The following KCNN2 variants were observed in gnomAD, a reference collection of about 807,000 sequenced individuals.
The protein encoded by KCNN2 is potassium calcium-activated channel subfamily N member 2, also known as small conductance calcium-activated potassium channel protein 2.
Under a neutral mutation model 55.5 loss-of-function variants are expected in KCNN2, and 24 were observed. That is an observed-to-expected ratio of 0.43 (90% CI 0.31 to 0.61). KCNN2 has a LOEUF of 0.61. Ranked by LOEUF, KCNN2 falls within the 20% of genes least tolerant of loss-of-function variation. The pLI, the probability that KCNN2 is intolerant of heterozygous loss-of-function variation, is 0.08. For missense variants in KCNN2, 754 were observed against 853.6 expected, an observed-to-expected ratio of 0.88 and a Z score of 1.45; for synonymous variants, 431 against 336.1, an observed-to-expected ratio of 1.28 and a Z score of -3.09.
intron 1 of KCNN2, among the ~76,000 whole-genome samples, chr5:114,166,744 A>C (rs936415507): frequency 6.6e-6 from 1 of 152,052 alleles, no homozygotes; most frequent in East Asian, 1.9e-4. Context: ...CTCCAAATTC[A>C]TATGTTGAAA....
intron 2 of KCNN2, among the ~76,000 whole-genome samples, chr5:114,381,287 T>G (rs528667583): frequency 2.6e-5 from 4 of 152,244 alleles, no homozygotes; most frequent in African/African-American, 7.2e-5. Context: ...ATGAAATGGC[T>G]GGCAGTACAG....
At chr5:114,176,106 C>G (rs1043949307) in intron 1 of KCNN2, among the ~76,000 whole-genome samples, 2 of 152,146 alleles carry the variant, frequency 1.3e-5, no homozygotes, top group Admixed American at 6.6e-5. Flanking sequence ...GCACTGATGA[C>G]ATTTTCAGCT....
At chr5:114,154,580 A>C (rs1752592974) in intron 1 of KCNN2, among the ~76,000 whole-genome samples, 1 of 152,146 alleles carries the variant, frequency 6.6e-6, no homozygotes, top group African/African-American at 2.4e-5. Flanking sequence ...TTTCAGTGAG[A>C]AATAATACTG....
At chr5:114,298,161 GA>G (rs1048933968) in intron 2 of KCNN2, among the ~76,000 whole-genome samples, 26 of 152,284 alleles carry the variant, frequency 1.7e-4, no homozygotes, top group African/African-American at 5.8e-4. Flanking sequence ...ACAGGCTCAG[GA>G]AAAGAAACCA....
chr5:114,446,088 C>T (rs1378991108), intron 3 of KCNN2, among the ~76,000 whole-genome samples: 1 of 152,142 alleles, frequency 6.6e-6, no homozygotes, highest in Non-Finnish European at 1.5e-5. Context: ...GTACAGTCTT[C>T]CTATGAACTA....
chr5:114,270,009 C>G (rs1358989811), intron 2 of KCNN2, among the ~76,000 whole-genome samples: 1 of 152,196 alleles, frequency 6.6e-6, no homozygotes, highest in African/African-American at 2.4e-5. Context: ...TAAGAACATG[C>G]TGATCTCCTA....
Position 114,065,840 on chromosome 5 carries a change from A to G in KCNN2, c.-271+9340A>G, listed in dbSNP as rs561674389. ...GCTAAGAGCTTTTAGCTATTCTCCT[A>G]TGCAGGTTTTTTTTTTTTTTTTTTT... is the stretch of plus-strand genomic sequence containing the variant. On this transcript the variant is annotated intron_variant, in intron 1 of 10. Coordinates refer to the KCNN2 transcript ENST00000512097. 3.4e-3 allele frequency among the ~76,000 whole-genome samples: 351 copies of G among 104,042 alleles called. 2 individuals are homozygous for G. Among genetic ancestry groups the G allele is most frequent in the African/African-American group, 0.013 (341 of 26,410 alleles). The allele number at this position is 104,042 out of a possible 152,430, so 68.3% of individuals were successfully genotyped here.
At chr5:114,289,328 A>T (rs1007688739) in intron 2 of KCNN2, among the ~76,000 whole-genome samples, 2 of 151,258 alleles carry the variant, frequency 1.3e-5, no homozygotes, top group Non-Finnish European at 2.9e-5. Context: ...ACCAGTTTCA[A>T]GATTGTTTAG....
intron 2 of KCNN2, among the ~76,000 whole-genome samples, chr5:114,383,346 A>T (rs974885926): frequency 6.6e-6 from 1 of 152,156 alleles, no homozygotes; most frequent in African/African-American, 2.4e-5. Flanking sequence ...AACAAGAGGA[A>T]AGTGATATTC....
intron 1 of KCNN2, 126 bp downstream of exon 1, chr5:114,363,387 A>G (rs1757504946): frequency 8.2e-7 from 1 of 1,217,618 alleles, no homozygotes; most frequent in Admixed American, 2.9e-5. Flanking sequence ...GCCCGCCAGG[A>G]CAGCGGGCGC....
At chr5:114,237,369 T>C (rs1470832402) in intron 2 of KCNN2, among the ~76,000 whole-genome samples, 1 of 151,664 alleles carries the variant, frequency 6.6e-6, no homozygotes, top group Non-Finnish European at 1.5e-5. Context: ...AGAACCTACC[T>C]AGGCAAGACA....
intron 1 of KCNN2, among the ~76,000 whole-genome samples, chr5:114,119,927 C>T (rs1205205382): frequency 1.3e-5 from 2 of 151,996 alleles, no homozygotes; most frequent in African/African-American, 4.8e-5. Flanking sequence ...TGGAGATCAT[C>T]AGCATCATGC....
chr5:114,441,433 A>G (rs542787216), intron 3 of KCNN2, among the ~76,000 whole-genome samples: 1 of 152,304 alleles, frequency 6.6e-6, no homozygotes, highest in South Asian at 2.1e-4. Context: ...ATGCCATAAA[A>G]TACATCTCAG....
chr5:114,161,529 C>T (rs910446338), intron 1 of KCNN2, among the ~76,000 whole-genome samples: 2 of 151,860 alleles, frequency 1.3e-5, no homozygotes, highest in Non-Finnish European at 2.9e-5. Context: ...TCTGTATTTC[C>T]TGAATTTGAA....
At position 114,428,991 on chromosome 5, in the gene KCNN2, C is replaced by T. The variant is rs72801822; in HGVS notation, c.1637+24135C>T. Among the ~76,000 whole-genome samples the T allele has an allele frequency of 7.6e-3, 1,159 of 152,080 alleles. 10 individuals are homozygous for T. The highest frequency in any genetic ancestry group is 0.013 in the Non-Finnish European group (906 of 67,954). ...CATTAGAGGGCATCTTGGTGGCTTC[C>T]AAGTTTGGGCAATTATAAATATAAC... is the stretch of plus-strand genomic sequence containing the variant. On this transcript the variant is annotated intron_variant, in intron 3 of 7. Transcript: ENST00000673685.
chr5:114,078,253 G>A (rs1750726003), intron 1 of KCNN2, among the ~76,000 whole-genome samples: 1 of 152,088 alleles, frequency 6.6e-6, no homozygotes, highest in Non-Finnish European at 1.5e-5. Context: ...AGTGATTTAA[G>A]GCAAATTAGA....
At chr5:114,226,328 T>G (rs919762691) in intron 2 of KCNN2, among the ~76,000 whole-genome samples, 15 of 152,162 alleles carry the variant, frequency 9.9e-5, no homozygotes, top group African/African-American at 3.6e-4. Context: ...TCGATTTATA[T>G]TCTAACAACA....
Position 114,149,350 on chromosome 5 carries a change from C to T in KCNN2, c.-270-72130C>T, listed in dbSNP as rs970667284. Among the ~76,000 whole-genome samples, 11 of 152,194 alleles carry T rather than the reference C, an allele frequency of 7.2e-5. No individual in the cohort carries two copies. In the South Asian group the frequency reaches 8.3e-4, roughly 11 times the overall value. On this transcript the variant is annotated intron_variant, in intron 1 of 10. Coordinates refer to the KCNN2 transcript ENST00000512097. ...GAACAAAGAAGGCCATATTGGGTGC[C>T]AGATATTGCAGGATCTGGCCAGCAG...
In KCNN2 at chr5:114,473,815, A is replaced by G. The variant is rs1172681015; in HGVS notation, c.1890+651A>G. Among the ~76,000 whole-genome samples the G allele has an allele frequency of 2.6e-5, 4 of 152,188 alleles. No homozygotes were observed. The East Asian group carries it at 5.8e-4, about 22-fold the overall frequency. On this transcript the variant is annotated intron_variant, in intron 5 of 7. Coordinates refer to ENST00000673685, the MANE Select transcript of KCNN2 (RefSeq NM_021614.4). ...ATCCTCATAACAGCGTTATGAGGGA[A>G]GTGCTATTATTCTGGCCATTTTATA...
Sources: allele counts gnomAD v4.1 joint callset (sites outside exome capture counted in the v4.1 genomes callset), GRCh38; gene constraint gnomAD v4.1.1; transcripts MANE v1.5; gene names NCBI Gene and HGNC (gene_info 2026-07-23, HGNC 2026-07-21).